Variants in EARS2 observed in about 807,000 individuals in gnomAD.
The protein encoded by EARS2 is nondiscriminating glutamyl-tRNA synthetase EARS2, mitochondrial.
In EARS2, 50 loss-of-function variants were observed where a neutral mutation model predicts 54.1. That is an observed-to-expected ratio of 0.92 (90% confidence interval 0.74 to 1.17). The LOEUF is 1.17. EARS2 is among the 50% of genes most tolerant of loss of function. The probability of loss-of-function intolerance (pLI) is 0.00; values close to 1 mark genes in which losing one functional copy is unlikely to be tolerated. For synonymous variants in EARS2, 298 were observed against 281.0 expected, an observed-to-expected ratio of 1.06 and a Z score of -0.61; for missense variants, 673 against 675.0, an observed-to-expected ratio of 1.00 and a Z score of 0.03.
chr16:23,524,606 G>T (rs1965193027), intron 8 of EARS2, 152 bp from the exon 9 acceptor site: 2 of 678,180 alleles, frequency 2.9e-6, no homozygotes. Context: ...CCCTGGAAAA[G>T]GATGGGTCCT....
At chr16:23,534,125 C>T (rs1039653273) in intron 4 of EARS2, among the ~76,000 whole-genome samples, 5 of 152,012 alleles carry the variant, frequency 3.3e-5, no homozygotes, top group South Asian at 2.1e-4. Context: ...CAGTCCCATA[C>T]GGTCAGCAGG....
At chr16:23,530,758 C>G (rs1422396922) in intron 5 of EARS2, among the ~76,000 whole-genome samples, 5 of 152,172 alleles carry the variant, frequency 3.3e-5, no homozygotes, top group African/African-American at 1.2e-4. Flanking sequence ...CACCTATAGA[C>G]TCAGCTGGTC....
At chr16:23,530,188 C>G (rs893533608) in intron 5 of EARS2, among the ~76,000 whole-genome samples, 14 of 152,096 alleles carry the variant, frequency 9.2e-5, no homozygotes, top group Non-Finnish European at 7.4e-5. Context: ...TGCAGTACCA[C>G]GATCATGGCT....
chr16:23,557,340 C>A lies in EARS2; in HGVS notation c.4G>T (p.Ala2Ser). 1 of 1,544,974 alleles carries A rather than the reference C, an allele frequency of 6.5e-7. No homozygotes were observed. The highest frequency in any genetic ancestry group is 8.7e-7 in the Non-Finnish European group (1 of 1,151,776). ...TGCAGCAGTCTCCTCAGGAGCGCCG[C>A]CATGTGGGATGGAATAGCACACGTG... M[A>S]ALLRRLLQRE... The change falls in exon 1 of 9, where the codon GCG becomes TCG. Residue 2 changes from alanine (A) to serine (S), a missense_variant. Transcript: ENST00000449606.
intron 3 of EARS2, chr16:23,535,574 G>C: frequency 1.7e-6 from 1 of 589,248 alleles, no homozygotes; most frequent in South Asian, 2.1e-5. Context: ...GCCATTCCAC[G>C]CTTCTTCCTT....
At chr16:23,557,183 G>A (rs1965811014) in intron 1 of EARS2, 22 bp downstream of exon 1, 3 of 1,505,688 alleles carry the variant, frequency 2.0e-6, no homozygotes, top group Non-Finnish European at 1.8e-6. Context: ...TCGGCCTGTA[G>A]CGTCACGTCC....
intron 3 of EARS2, among the ~76,000 whole-genome samples, chr16:23,543,562 G>A (rs1473065131): frequency 1.3e-5 from 2 of 151,758 alleles, no homozygotes; most frequent in African/African-American, 2.4e-5. Flanking sequence ...AGTGACACCC[G>A]TCTCTACTAA....
At chr16:23,549,627 G>A (rs1379252656) in intron 2 of EARS2, among the ~76,000 whole-genome samples, 1 of 152,088 alleles carries the variant, frequency 6.6e-6, no homozygotes, top group Non-Finnish European at 1.5e-5. Flanking sequence ...CTACACCTGG[G>A]TAATTTTTTG....
chr16:23,528,015 C>T lies in EARS2; in HGVS notation c.1352+1487G>A, dbSNP rs188975516. 2.0e-3 allele frequency among the ~76,000 whole-genome samples: 302 copies of T among 152,234 alleles called. 4 individuals carry two copies. Among genetic ancestry groups the T allele is most frequent in the Admixed American group, 0.014 (210 of 15,288 alleles). On this transcript the variant is annotated intron_variant, in intron 7 of 8. Coordinates refer to ENST00000449606, the MANE Select transcript of EARS2 (RefSeq NM_001083614.2). ...CGAGCCCTTATGCACAGATGAGTGCCTTTATAAAAGACACCCCAGAGAGTC... is the reference window on the plus strand; with the variant it reads ...CGAGCCCTTATGCACAGATGAGTGCTTTTATAAAAGACACCCCAGAGAGTC...
In EARS2 at chr16:23,544,663, A is replaced by G; in HGVS notation, c.336T>C (p.Ala112=). The G allele has an allele frequency of 6.2e-7, 1 of 1,609,872 alleles. No individual in the cohort carries two copies. The highest frequency in any genetic ancestry group is 8.5e-7 in the Non-Finnish European group (1 of 1,178,798). The stretch of plus-strand genomic sequence containing the variant: ...ACCGCTGAGATTGCTGGTAGGGCCC[A>G]GCAGGACCGCCCCGGCGGGGGCTCT... The part of the protein sequence containing the change: ...PDESPRRGGP[A]GPYQQSQRLE... The change falls in exon 3 of 9, where the codon GCT becomes GCC. Residue 112 remains alanine (A), a synonymous_variant. Coordinates refer to ENST00000449606, the MANE Select transcript of EARS2 (RefSeq NM_001083614.2).
In EARS2 at chr16:23,557,274, G is replaced by A; in HGVS notation, c.70C>T (p.Arg24Trp). The stretch of plus-strand genomic sequence containing the variant: ...TCAGTGCCCAGGTTGGCCTCGCGCC[G>A]TCCTACGGGGCGGCCAGAGGCCGCC... ...PSAASGRPVG[R>W]REANLGTDAG... The change falls in exon 1 of 9, where the codon CGG (arginine) becomes TGG (tryptophan). Residue 24 changes from arginine (R) to tryptophan (W), a missense_variant. Coordinates refer to ENST00000449606, the MANE Select transcript of EARS2 (RefSeq NM_001083614.2). The A allele has an allele frequency of 2.0e-6, 3 of 1,520,072 alleles. No homozygotes were observed. The highest frequency in any genetic ancestry group is 2.3e-5 in the East Asian group (1 of 43,498). The allele number at this position is 1,520,072 out of a possible 1,614,324, so 94.2% of individuals were successfully genotyped here. A position where few individuals can be genotyped will look rare whatever the true frequency, so the allele number is the denominator to read the frequency against.
chr16:23,545,003 A>T, intron 2 of EARS2: 1 of 277,756 alleles, frequency 3.6e-6, no homozygotes, highest in Non-Finnish European at 6.7e-6. Flanking sequence ...CACCTCACCC[A>T]GCTAATTTTT....
intron 2 of EARS2, among the ~76,000 whole-genome samples, chr16:23,545,784 C>T (rs1292339578): frequency 1.3e-5 from 2 of 152,216 alleles, no homozygotes; most frequent in Non-Finnish European, 2.9e-5. Flanking sequence ...CTGCCTCAAC[C>T]TCCCGAGTAG....
intron 1 of EARS2, 29 bp from the exon 2 acceptor site, chr16:23,552,333 A>G: frequency 6.2e-7 from 1 of 1,609,732 alleles, no homozygotes; most frequent in Non-Finnish European, 8.5e-7. Flanking sequence ...CAGATAAGAC[A>G]GGGAAGATAA....
intron 5 of EARS2, among the ~76,000 whole-genome samples, chr16:23,530,332 T>A (rs1190117092): frequency 6.6e-6 from 1 of 152,176 alleles, no homozygotes; most frequent in Admixed American, 6.5e-5. Flanking sequence ...TGCTATGTTG[T>A]CCAGGCTAGG....
chr16:23,540,800 C>T (rs192178419), intron 3 of EARS2, among the ~76,000 whole-genome samples: 3 of 151,944 alleles, frequency 2.0e-5, no homozygotes, highest in Non-Finnish European at 4.4e-5. Flanking sequence ...CTGGGTAACA[C>T]GGTGAAACCC....
intron 2 of EARS2, chr16:23,546,487 TAGAGTA>T (rs1451657543): frequency 2.2e-6 from 1 of 453,352 alleles, no homozygotes; most frequent in Non-Finnish European, 4.4e-6. Flanking sequence ...ATCATGAGAC[TAGAGTA>T]AGATGATCTA....
At chr16:23,528,968 T>C (rs1278498372) in intron 7 of EARS2, among the ~76,000 whole-genome samples, 2 of 151,906 alleles carry the variant, frequency 1.3e-5, no homozygotes, top group Non-Finnish European at 2.9e-5. Context: ...CATCGGCGAG[T>C]AGGGGCAGAA....
At position 23,544,546 on chromosome 16, in the gene EARS2, C is replaced by G. The variant is rs746463644; in HGVS notation, c.453G>C (p.Lys151Asn). Residue 151 changes from lysine (K) to asparagine (N), a missense_variant, in exon 3 of 9, where the codon AAG becomes AAC. Lys to Asn is a moderately conservative substitution (Grantham distance 94). Coordinates refer to ENST00000449606, the MANE Select transcript of EARS2 (RefSeq NM_001083614.2). ...TCTGGTGGTTCCGCAAGGCCTCCTT[C>G]TTCAGGAGCTCCAGCCGCTGGGGTG... Reference protein sequence around the residue: ...FCSPQRLELLKKEALRNHQTP... With the variant: ...FCSPQRLELLNKEALRNHQTP... The G allele has an allele frequency of 6.2e-7, 1 of 1,614,132 alleles. No homozygotes were observed. Among genetic ancestry groups the G allele is most frequent in the Non-Finnish European group, 8.5e-7 (1 of 1,179,992 alleles).
Sources: allele counts gnomAD v4.1 joint callset (sites outside exome capture counted in the v4.1 genomes callset), GRCh38; gene constraint gnomAD v4.1.1; transcripts MANE v1.5; gene names NCBI Gene and HGNC (gene_info 2026-07-23, HGNC 2026-07-21).